IFT172: variants seen among roughly 807,000 people sequenced by gnomAD.
IFT172 encodes the protein intraflagellar transport 172, also known as intraflagellar transport protein 172 homolog.
In IFT172, 164 loss-of-function variants were observed where a neutral mutation model predicts 248.9. The observed-to-expected ratio is 0.66, with a 90% CI of 0.58 to 0.75. The LOEUF (loss-of-function observed/expected upper bound fraction) is 0.75. Ranked by LOEUF, IFT172 falls within the 30% of genes least tolerant of loss-of-function variation. IFT172 has a pLI of 0.00. For synonymous variants in IFT172, 729 were observed against 791.6 expected (o/e 0.92, Z 1.33); for missense variants, 1,950 against 2,192.4 (o/e 0.89, Z 2.21).
intron 16 of IFT172, chr2:27,466,165 G>A: frequency 2.7e-6 from 1 of 377,086 alleles, no homozygotes; most frequent in East Asian, 4.9e-5. Context: ...ATATTCTTAA[G>A]GGATCTCTCA....
In IFT172 at chr2:27,449,815, ATCAGCGTGGAGACTTTC is replaced by A; in HGVS notation, c.4051-32_4051-16del. 6.3e-7 allele frequency: 1 copy of A among 1,582,784 alleles called. No homozygotes were observed. On this transcript the variant is annotated splice_polypyrimidine_tract_variant and intron_variant, in intron 36 of 47. Coordinates refer to ENST00000260570, the MANE Select transcript of IFT172 (RefSeq NM_015662.3). ...AGCTCTGCAGCCTGCACAGTGGGAA[ATCAGCGTGGAGACTTTC>A]TCCTCGCTCCCAGTCTTCCCACTGT...
chr2:27,462,398 C>G (rs1253178610), intron 20 of IFT172, among the ~76,000 whole-genome samples: 3 of 152,150 alleles, frequency 2.0e-5, no homozygotes, highest in Non-Finnish European at 2.9e-5. Context: ...AAACCTGGAT[C>G]TACCCCTATG....
chr2:27,487,247 T>C (rs914429360), intron 1 of IFT172, among the ~76,000 whole-genome samples: 1 of 152,166 alleles, frequency 6.6e-6, no homozygotes, highest in African/African-American at 2.4e-5. Flanking sequence ...GCCCGGCCTG[T>C]GTTCTCATTT....
At chr2:27,472,088 G>T in intron 15 of IFT172, 162 bp downstream of exon 15, 1 of 620,424 alleles carries the variant, frequency 1.6e-6, no homozygotes. Flanking sequence ...TATCAGTTTT[G>T]GTATCAGCTA....
At position 27,448,972 on chromosome 2, in the gene IFT172, AC is replaced by A; in HGVS notation, c.4370del (p.Gly1457ValfsTer33). ...ACAGGGCCAATGCCTGGGCAGAGCTACCCTCCCGGATCAAGTGAGTTGCATA... is the reference window on the plus strand; with the variant it reads ...ACAGGGCCAATGCCTGGGCAGAGCTACCTCCCGGATCAAGTGAGTTGCATA... ...ALYATHLIRE[G>X]SSAQALALYV... On this transcript the variant is annotated frameshift_variant, in exon 40 of 48. Coordinates refer to ENST00000260570, the MANE Select transcript of IFT172 (RefSeq NM_015662.3). LOFTEE classifies it high-confidence loss of function. 3 of 1,612,590 alleles carry A rather than the reference AC, an allele frequency of 1.9e-6. No individual in the cohort carries two copies. The highest frequency in any genetic ancestry group is 2.5e-6 in the Non-Finnish European group (3 of 1,178,626).
Position 27,481,269 on chromosome 2 carries a change from G to C in IFT172, c.571-9C>G. On this transcript the variant is annotated splice_polypyrimidine_tract_variant and intron_variant, in intron 7 of 47. Transcript: ENST00000260570. ...TGGTTAACCAACTTCCCCTAAGACA[G>C]AAGTAGAGGGTTTCAATCACTCTTC... is the stretch of plus-strand genomic sequence containing the variant. The C allele has an allele frequency of 6.2e-7, 1 of 1,606,116 alleles. No individual in the cohort carries two copies. Among genetic ancestry groups the C allele is most frequent in the Non-Finnish European group, 8.5e-7 (1 of 1,176,086 alleles).
At position 27,461,755 on chromosome 2, in the gene IFT172, G is replaced by C. The variant is rs1193689348; in HGVS notation, c.2193+4C>G. 1.9e-6 allele frequency: 3 copies of C among 1,613,990 alleles called. No homozygotes were observed. The African/African-American group carries it at 4.0e-5, about 22-fold the overall frequency. On this transcript the variant is annotated splice_donor_region_variant and intron_variant, in intron 21 of 47. Transcript: ENST00000260570. ...AACAACTGTGGAGAAGATAAAACAG[G>C]TACCTTGGCTTCAGCCACAGCGATA...
chr2:27,447,563 G>A lies in IFT172; in HGVS notation c.4611C>T (p.Ile1537=), dbSNP rs901644807. 10 of 1,614,018 alleles carry A rather than the reference G, an allele frequency of 6.2e-6. No homozygotes were observed. In the East Asian group the frequency reaches 8.9e-5, roughly 14 times the overall value. Residue 1537 remains isoleucine (I), a synonymous_variant, in exon 42 of 48, where the codon ATC becomes ATT. Coordinates refer to ENST00000260570, the MANE Select transcript of IFT172 (RefSeq NM_015662.3). Reference sequence around the variant, plus strand: ...CAGAGCGCGTGGCATAGTAATGAGCGATCAGCAGCATCGTCTTGAACTCCT... The same window carrying A: ...CAGAGCGCGTGGCATAGTAATGAGCAATCAGCAGCATCGTCTTGAACTCCT... ...AHEEFKTMLL[I]AHYYATRSAA... is the part of the protein sequence containing the mutation.
At chr2:27,476,802 T>C in intron 13 of IFT172, 76 bp from the exon 14 acceptor site, 2 of 817,076 alleles carry the variant, frequency 2.4e-6, no homozygotes, top group Non-Finnish European at 4.2e-6. Flanking sequence ...TGAAGTACCA[T>C]ATGGGATGAA....
rs1208572899 is a variant in IFT172, at chr2:27,484,184, T to C, written c.336+43A>G. 6 of 1,612,336 alleles carry C rather than the reference T, an allele frequency of 3.7e-6. No individual in the cohort carries two copies. In the East Asian group the frequency reaches 6.7e-5, roughly 18 times the overall value. The stretch of plus-strand genomic sequence containing the variant: ...ATTTATAAGTAGATATACTGATATA[T>C]GTTTGTTCATCCTAAGGTTCCAGGG... On this transcript the variant is annotated intron_variant, in intron 4 of 47. Coordinates refer to ENST00000260570, the MANE Select transcript of IFT172 (RefSeq NM_015662.3).
rs1486118658 is a variant in IFT172 at position 27,445,536 on chromosome 2, GC to G, written c.4915-88del. The stretch of plus-strand genomic sequence containing the variant: ...GATGGGTGAGGAGGGGGTTTGCTAA[GC>G]CCTCATCCTGTATACCAGCTTTTAG... On this transcript the variant is annotated intron_variant, in intron 45 of 47. Coordinates refer to ENST00000260570, the MANE Select transcript of IFT172 (RefSeq NM_015662.3). This position sits in a 1 kb window ranked among gnomAD's most constrained non-coding sequence, Gnocchi z 4.4. 1 of 1,446,578 alleles carries G rather than the reference GC, an allele frequency of 6.9e-7. No homozygotes were observed. The highest frequency in any genetic ancestry group is 2.3e-5 in the East Asian group (1 of 42,558). The allele number at this position is 1,446,578 out of a possible 1,614,324, so 89.6% of individuals were successfully genotyped here. A position where few individuals can be genotyped will look rare whatever the true frequency, so the allele number is the denominator to read the frequency against.
Position 27,460,075 on chromosome 2 carries a change from TTC to T in IFT172, c.2522-248_2522-247del, listed in dbSNP as rs1235958926. ...TTTTGTTATGTACTAAGAAAAATTC[TTC>T]TGCCTTGAGATTCTGTTAATCTATA... On this transcript the variant is annotated intron_variant, in intron 23 of 47. Coordinates refer to ENST00000260570, the MANE Select transcript of IFT172 (RefSeq NM_015662.3). Among the ~76,000 whole-genome samples the T allele has an allele frequency of 2.0e-5, 3 of 151,860 alleles. No individual in the cohort carries two copies. In the East Asian group the frequency reaches 5.8e-4, roughly 29 times the overall value.
In IFT172 at chr2:27,461,414, C is replaced by T; in HGVS notation, c.2297G>A (p.Gly766Glu). 1 of 1,614,164 alleles carries T rather than the reference C, an allele frequency of 6.2e-7. No homozygotes were observed. The highest frequency in any genetic ancestry group is 8.5e-7 in the Non-Finnish European group (1 of 1,180,022). ...AGELQESQGDGLAAISLYLKA... is the reference protein window; with the variant it reads ...AGELQESQGDELAAISLYLKA... ...GAGGTAGAGGCTGATGGCTGCTAGCCCATCCCCTTGGCTCTCCTGTAGTTC... is the reference window on the plus strand; with the variant it reads ...GAGGTAGAGGCTGATGGCTGCTAGCTCATCCCCTTGGCTCTCCTGTAGTTC... The change falls in exon 22 of 48, where the codon GGG becomes GAG. Residue 766 changes from glycine to glutamate, a missense_variant. Physicochemically the swap from Gly to Glu is moderately conservative, Grantham distance 98 (BLOSUM62 -2). This residue lies in a region of IFT172 where 1,166 missense variants were observed against 1,254.1 expected (regional missense o/e 0.93). Transcript: ENST00000260570.
chr2:27,462,616 C>G, intron 20 of IFT172, 85 bp downstream of exon 20: 1 of 1,201,360 alleles, frequency 8.3e-7, no homozygotes, highest in Non-Finnish European at 1.2e-6. Flanking sequence ...TTCACCAGCA[C>G]GCTTTCCTCC....
intron 42 of IFT172, among the ~76,000 whole-genome samples, chr2:27,446,680 ATTTTTT>A (rs766069964): frequency 0.017 from 1,372 of 80,330 alleles, 20 homozygotes; most frequent in African/African-American, 0.067. Flanking sequence ...TGCCTGGCTA[ATTTTTT>A]TTTTTTTTTT....
Position 27,470,991 on chromosome 2 carries a change from TC to T in IFT172, c.1628del (p.Arg543GlnfsTer26). ...PGSDVLVAQN[R>X]NSLCVWYNIE... The stretch of plus-strand genomic sequence containing the variant: ...TGTTGTACCATACACACAGACTGTT[TC>T]GGTTCTGAGCTACCAGCACGTCACT... On this transcript the variant is annotated frameshift_variant, in exon 16 of 48. Transcript: ENST00000260570. LOFTEE classifies it high-confidence loss of function. The T allele has an allele frequency of 6.2e-7, 1 of 1,613,966 alleles. No individual in the cohort carries two copies. Among genetic ancestry groups the T allele is most frequent in the Non-Finnish European group, 8.5e-7 (1 of 1,179,982 alleles).
At chr2:27,465,243 A>G (rs1213745343) in intron 18 of IFT172, 168 bp downstream of exon 18, 2 of 633,734 alleles carry the variant, frequency 3.2e-6, no homozygotes, top group East Asian at 5.4e-5. Flanking sequence ...ATAATCTAGG[A>G]TGGGAGAGTG....
At chr2:27,461,645 A>G (rs1666679078) in intron 21 of IFT172, 114 bp downstream of exon 21, 2 of 1,517,108 alleles carry the variant, frequency 1.3e-6, no homozygotes, top group African/African-American at 2.7e-5. Context: ...TCCTCACCAC[A>G]TCAAGTCCAA....
intron 35 of IFT172, among the ~76,000 whole-genome samples, chr2:27,451,185 T>C (rs1665641885): frequency 6.6e-6 from 1 of 152,206 alleles, no homozygotes; most frequent in African/African-American, 2.4e-5. Flanking sequence ...TTCCACACAA[T>C]CCAATTTCAC....
Sources: allele counts gnomAD v4.1 joint callset (sites outside exome capture counted in the v4.1 genomes callset), GRCh38; gene constraint gnomAD v4.1.1; regional missense constraint gnomAD v4.1.1; non-coding constraint Gnocchi (gnomAD v3.1); transcripts MANE v1.5; gene names NCBI Gene and HGNC (gene_info 2026-07-23, HGNC 2026-07-21).